The following VSTM2A variants were observed in gnomAD, a reference collection of about 807,000 sequenced individuals.
The protein encoded by VSTM2A is V-set and transmembrane domain containing 2A, also known as V-set and transmembrane domain-containing protein 2A.
Under a neutral mutation model 27.3 loss-of-function variants are expected in VSTM2A, and 13 were observed. That is an observed-to-expected ratio of 0.48 (90% CI 0.31 to 0.76). VSTM2A has a LOEUF of 0.76. Among genes scored for constraint, VSTM2A ranks in the 30% least tolerant of loss-of-function variants. The pLI, the probability that VSTM2A is intolerant of heterozygous loss-of-function variation, is 0.05. For synonymous variants in VSTM2A, 142 were observed against 125.7 expected (o/e 1.13, Z -0.87); for missense variants, 280 against 310.0 (o/e 0.90, Z 0.73).
At chr7:54,550,664 G>A (rs1788160671) in intron 4 of VSTM2A, 1 of 159,252 alleles carries the variant, frequency 6.3e-6, no homozygotes, top group Non-Finnish European at 1.4e-5. Context: ...TCAGCTGCCT[G>A]TGATGATGAT....
intron 1 of VSTM2A, 110 bp downstream of exon 1, chr7:54,542,919 G>A: frequency 1.0e-6 from 1 of 993,858 alleles, no homozygotes; most frequent in Non-Finnish European, 1.5e-6. Flanking sequence ...AGTAACAGTG[G>A]GCTTAGGCTG....
At chr7:54,545,072 T>C (rs1787902048) in intron 2 of VSTM2A, among the ~76,000 whole-genome samples, 1 of 152,142 alleles carries the variant, frequency 6.6e-6, no homozygotes, top group South Asian at 2.1e-4. Flanking sequence ...GCCTTGCCCC[T>C]ACCACGCTGC....
At chr7:54,556,807 A>G (rs1459389083) in intron 4 of VSTM2A, among the ~76,000 whole-genome samples, 2 of 152,202 alleles carry the variant, frequency 1.3e-5, no homozygotes, top group African/African-American at 4.8e-5. Flanking sequence ...GAAGTTCAGA[A>G]CTATTTGGGC....
At chr7:54,547,119 G>C (rs1197649196) in intron 3 of VSTM2A, 122 bp downstream of exon 3, 4 of 1,118,892 alleles carry the variant, frequency 3.6e-6, no homozygotes, top group Admixed American at 5.8e-5. Flanking sequence ...CCCCTTGCTT[G>C]CCTCATTAGA....
In VSTM2A at chr7:54,544,700, G is replaced by A; in HGVS notation, c.158G>A (p.Gly53Asp). The change falls in exon 2 of 5, where the codon GGC becomes GAC. Residue 53 changes from glycine to aspartate, a missense_variant. Transcript: ENST00000402613. ...GAGATGTCCTGCGCCTTCCAGAGCGGCTCCGCCTCGGTGTATCTGGAGATC... is the reference window on the plus strand; with the variant it reads ...GAGATGTCCTGCGCCTTCCAGAGCGACTCCGCCTCGGTGTATCTGGAGATC... ...NVEMSCAFQSGSASVYLEIQW... is the reference protein window; with the variant it reads ...NVEMSCAFQSDSASVYLEIQW... The A allele has an allele frequency of 6.2e-7, 1 of 1,612,836 alleles. No individual in the cohort carries two copies. The highest frequency in any genetic ancestry group is 2.2e-5 in the East Asian group (1 of 44,864).
rs1788826472 is a variant in VSTM2A, at chr7:54,569,499, A to G, written c.*280A>G. 1 of 437,624 alleles carries G rather than the reference A, an allele frequency of 2.3e-6. No individual in the cohort carries two copies. Among genetic ancestry groups the G allele is most frequent in the Non-Finnish European group, 4.1e-6 (1 of 246,414 alleles). 27.1% of individuals were successfully genotyped at this position (437,624 alleles called of 1,614,324 possible). A position where few individuals can be genotyped will look rare whatever the true frequency, so the allele number is the denominator to read the frequency against. ...TCCTACTAAAGGACCCAGCATCTTCAGGAAGCAAACAGAGATCAAAAGGCT... is the reference window on the plus strand; with the variant it reads ...TCCTACTAAAGGACCCAGCATCTTCGGGAAGCAAACAGAGATCAAAAGGCT... On this transcript the variant is annotated 3_prime_UTR_variant, in exon 5 of 5. Coordinates refer to ENST00000402613, the MANE Select transcript of VSTM2A (RefSeq NM_001301009.2).
At chr7:54,556,425 T>C (rs1025834603) in intron 4 of VSTM2A, among the ~76,000 whole-genome samples, 3 of 152,074 alleles carry the variant, frequency 2.0e-5, no homozygotes, top group East Asian at 1.9e-4. Flanking sequence ...GTCAAAGTCA[T>C]TGGGAGGAGG....
Position 54,544,611 on chromosome 7 carries a change from C to T in VSTM2A, c.80-11C>T. ...GTGGATATTCCAACAGGATGCCTTT[C>T]TGTTTTGCAGCAAAATTTACCGAGT... On this transcript the variant is annotated splice_polypyrimidine_tract_variant and intron_variant, in intron 1 of 4. Transcript: ENST00000402613. 6.2e-7 allele frequency: 1 copy of T among 1,612,860 alleles called. No individual in the cohort carries two copies. Among genetic ancestry groups the T allele is most frequent in the Non-Finnish European group, 8.5e-7 (1 of 1,179,856 alleles).
At chr7:54,556,130 G>A (rs1027532383) in intron 4 of VSTM2A, among the ~76,000 whole-genome samples, 1 of 152,118 alleles carries the variant, frequency 6.6e-6, no homozygotes, top group Non-Finnish European at 1.5e-5. Context: ...GCTCTGTTCT[G>A]TTGCTCTTAT....
In VSTM2A at chr7:54,550,096, C is replaced by T. The variant is rs746517213; in HGVS notation, c.560C>T (p.Ser187Phe). 10 of 1,608,446 alleles carry T rather than the reference C, an allele frequency of 6.2e-6. 1 individual carries two copies. Among genetic ancestry groups the T allele is most frequent in the South Asian group, 2.2e-5 (2 of 89,752 alleles). Residue 187 changes from serine to phenylalanine, a missense_variant, in exon 4 of 5, where the codon TCT (serine) becomes TTT (phenylalanine). Physicochemically the swap from Ser to Phe is radical, Grantham distance 155 (BLOSUM62 -2). Coordinates refer to ENST00000402613, the MANE Select transcript of VSTM2A (RefSeq NM_001301009.2). ...GCCATCCCCAGCAGCATCCATGGCT[C>T]TGCCAACCAACGAACGCACTCCACC... is the stretch of plus-strand genomic sequence containing the variant. Reference protein sequence around the residue: ...SAAIPSSIHGSANQRTHSTSS... With the variant: ...SAAIPSSIHGFANQRTHSTSS...
In VSTM2A at chr7:54,550,188, G is replaced by C. The variant is rs148373742; in HGVS notation, c.634+18G>C. 1.9e-6 allele frequency: 3 copies of C among 1,575,334 alleles called. No individual in the cohort carries two copies. The highest frequency in any genetic ancestry group is 1.7e-6 in the Non-Finnish European group (2 of 1,160,956). ...ACAATCAGGTATGGAAACCCATTTCGAGCCTTTTATTTTACCACTCACAAA... is the reference window on the plus strand; with the variant it reads ...ACAATCAGGTATGGAAACCCATTTCCAGCCTTTTATTTTACCACTCACAAA... On this transcript the variant is annotated intron_variant, in intron 4 of 4. Transcript: ENST00000402613.
Position 54,542,666 on chromosome 7 carries a change from C to A in VSTM2A, c.-65C>A. 3.4e-6 allele frequency: 5 copies of A among 1,468,844 alleles called. No individual in the cohort carries two copies. In the South Asian group the frequency reaches 5.9e-5, roughly 17 times the overall value. 91.0% of individuals were successfully genotyped at this position (1,468,844 alleles called of 1,614,324 possible). A position where few individuals can be genotyped will look rare whatever the true frequency, so the allele number is the denominator to read the frequency against. On this transcript the variant is annotated 5_prime_UTR_variant, in exon 1 of 5. Transcript: ENST00000402613. ...TGAGACTGAGCCTGCCATCCACTCG[C>A]ACGCCTTTCTTTCAGGGCTTTTCGG... is the stretch of plus-strand genomic sequence containing the variant.
intron 3 of VSTM2A, 61 bp downstream of exon 3, chr7:54,547,058 TC>T: frequency 6.7e-7 from 1 of 1,495,120 alleles, no homozygotes; most frequent in Non-Finnish European, 8.9e-7. Context: ...CCCTTCCCTG[TC>T]CCCGAGAAGG....
At chr7:54,549,652 T>C (rs1394542887) in intron 3 of VSTM2A, among the ~76,000 whole-genome samples, 182 bp from the exon 4 acceptor site, 3 of 152,150 alleles carry the variant, frequency 2.0e-5, no homozygotes, top group Admixed American at 1.3e-4. Context: ...AGTGCAGTGG[T>C]TGGTGGAATA....
intron 3 of VSTM2A, among the ~76,000 whole-genome samples, chr7:54,549,218 A>C (rs542098353): frequency 6.6e-6 from 1 of 152,254 alleles, no homozygotes; most frequent in East Asian, 1.9e-4. Flanking sequence ...TACTTTGAGC[A>C]ACAAGACTTC....
Position 54,564,010 on chromosome 7 carries a change from T to C in VSTM2A, c.635-5121T>C, listed in dbSNP as rs531555840. 2.6e-5 allele frequency among the ~76,000 whole-genome samples: 4 copies of C among 152,328 alleles called. No homozygotes were observed. In the East Asian group the frequency reaches 7.7e-4, roughly 29 times the overall value. On this transcript the variant is annotated intron_variant, in intron 4 of 4. Coordinates refer to ENST00000402613, the MANE Select transcript of VSTM2A (RefSeq NM_001301009.2). ...GTGCAAACCTGAATAAAAATTGCAT[T>C]AGAAGCTAGCTCAGTTTTTCTCACA...
At position 54,568,672 on chromosome 7, in the gene VSTM2A, A is replaced by AG. The variant is rs112013365; in HGVS notation, c.635-458dup. ...TGCTCATGCAGTAGGAAAAAAAAAAAGATGTGTTTTTAGGTACCAGTATAG... is the reference window on the plus strand; with the variant it reads ...TGCTCATGCAGTAGGAAAAAAAAAAAGGATGTGTTTTTAGGTACCAGTATAG... On this transcript the variant is annotated intron_variant, in intron 4 of 4. Transcript: ENST00000402613. 9.7e-3 allele frequency among the ~76,000 whole-genome samples: 1,478 copies of AG among 151,858 alleles called. 11 individuals carry two copies. The highest frequency in any genetic ancestry group is 0.033 in the African/African-American group (1,363 of 41,386).
Position 54,550,084 on chromosome 7 carries a change from G to T in VSTM2A, c.548G>T (p.Ser183Ile), listed in dbSNP as rs952622280. 1.2e-6 allele frequency: 2 copies of T among 1,608,488 alleles called. No individual in the cohort carries two copies. The highest frequency in any genetic ancestry group is 1.7e-6 in the Non-Finnish European group (2 of 1,177,572). ...AACGTCTCCGCAGCCATCCCCAGCA[G>T]CATCCATGGCTCTGCCAACCAACGA... ...RKNVSAAIPS[S>I]IHGSANQRTH... The change falls in exon 4 of 5, where the codon AGC becomes ATC. Residue 183 changes from serine to isoleucine, a missense_variant. Coordinates refer to ENST00000402613, the MANE Select transcript of VSTM2A (RefSeq NM_001301009.2).
At chr7:54,549,034 A>T (rs1315755922) in intron 3 of VSTM2A, among the ~76,000 whole-genome samples, 1 of 149,920 alleles carries the variant, frequency 6.7e-6, no homozygotes, top group African/African-American at 2.4e-5. Context: ...GATATATAAT[A>T]TAAAATCATA....
Sources: allele counts gnomAD v4.1 joint callset (sites outside exome capture counted in the v4.1 genomes callset), GRCh38; gene constraint gnomAD v4.1.1; transcripts MANE v1.5; gene names NCBI Gene and HGNC (gene_info 2026-07-23, HGNC 2026-07-21).